The following ZNF106 variants were observed in gnomAD, a reference collection of about 807,000 sequenced individuals.
The protein encoded by ZNF106 is zinc finger protein 106.
ZNF106 carries 67 observed loss-of-function variants against 195.1 expected under a neutral mutation model. That is an observed-to-expected ratio of 0.34 (90% CI 0.28 to 0.42). The LOEUF is 0.42. Ranked by LOEUF, ZNF106 falls within the 10% of genes least tolerant of loss-of-function variation. The pLI, the probability that ZNF106 is intolerant of heterozygous loss-of-function variation, is 1.00. For missense variants in ZNF106, 2,118 were observed against 2,304.5 expected (o/e 0.92, Z 1.66); for synonymous variants, 784 against 818.6 (o/e 0.96, Z 0.72).
At chr15:42,459,164 C>G (rs1349247660) in intron 3 of ZNF106, among the ~76,000 whole-genome samples, 1 of 152,124 alleles carries the variant, frequency 6.6e-6, no homozygotes, top group African/African-American at 2.4e-5. Flanking sequence ...ACTGCACTTA[C>G]TACATTTATA....
At chr15:42,474,568 G>A (rs534784300) in intron 1 of ZNF106, among the ~76,000 whole-genome samples, 1 of 152,042 alleles carries the variant, frequency 6.6e-6, no homozygotes, top group Non-Finnish European at 1.5e-5. Context: ...ACACCAGTCT[G>A]GGCAACATAG....
At chr15:42,477,571 C>T (rs1014547546) in intron 1 of ZNF106, among the ~76,000 whole-genome samples, 9 of 152,080 alleles carry the variant, frequency 5.9e-5, no homozygotes, top group Admixed American at 1.3e-4. Flanking sequence ...CAGCAAAATT[C>T]GTGTATCCAC....
At chr15:42,468,501 T>C (rs895215176) in intron 2 of ZNF106, among the ~76,000 whole-genome samples, 3 of 151,156 alleles carry the variant, frequency 2.0e-5, no homozygotes, top group African/African-American at 7.3e-5. Context: ...TCCCAGCACT[T>C]TGGGAGGCTG....
chr15:42,442,488 G>A, intron 9 of ZNF106, 74 bp from the exon 10 acceptor site: 1 of 1,296,020 alleles, frequency 7.7e-7, no homozygotes, highest in Non-Finnish European at 1.1e-6. Flanking sequence ...GAGCTAATTT[G>A]TATTTTTAAA....
intron 3 of ZNF106, among the ~76,000 whole-genome samples, chr15:42,465,361 T>C (rs367556562): frequency 2.0e-5 from 3 of 152,150 alleles, no homozygotes; most frequent in African/African-American, 7.2e-5. Context: ...ACTGTAGCCC[T>C]GACCTACCTA....
At chr15:42,434,757 T>C (rs985519241) in intron 14 of ZNF106, among the ~76,000 whole-genome samples, 3 of 151,840 alleles carry the variant, frequency 2.0e-5, no homozygotes, top group Non-Finnish European at 4.4e-5. Context: ...AAAAAGTTTA[T>C]ACATTTTGCT....
At chr15:42,474,070 C>A (rs1421217868) in intron 1 of ZNF106, among the ~76,000 whole-genome samples, 13 of 152,162 alleles carry the variant, frequency 8.5e-5, no homozygotes, top group Non-Finnish European at 5.9e-5. Context: ...ATCTTGGGGG[C>A]TCCAGGTCCA....
chr15:42,424,163 G>C, intron 16 of ZNF106, 103 bp from the exon 17 acceptor site: 1 of 925,706 alleles, frequency 1.1e-6, no homozygotes, highest in South Asian at 1.9e-5. Context: ...CCTATTTTGA[G>C]ATGAGCACGA....
intron 2 of ZNF106, among the ~76,000 whole-genome samples, chr15:42,469,861 A>C (rs578048579): frequency 1.3e-5 from 2 of 150,912 alleles, no homozygotes; most frequent in Admixed American, 6.6e-5. Context: ...ACAACAACAA[A>C]AAAAAAAAAA....
chr15:42,449,998 G>T lies in ZNF106; in HGVS notation c.2274C>A (p.His758Gln). 1 of 1,614,206 alleles carries T rather than the reference G, an allele frequency of 6.2e-7. No homozygotes were observed. The highest frequency in any genetic ancestry group is 8.5e-7 in the Non-Finnish European group (1 of 1,180,036). Reference sequence around the variant, plus strand: ...CTCCAGTTTTGCTCTTCAAACTAATGTGCCGGGTTAGATCCCTCTGAAGTG... The same window carrying T: ...CTCCAGTTTTGCTCTTCAAACTAATTTGCCGGGTTAGATCCCTCTGAAGTG... ...PASLQRDLTR[H>Q]ISLKSKTGVH... Residue 758 changes from histidine to glutamine, a missense_variant, in exon 5 of 22, where the codon CAC becomes CAA. Coordinates refer to ENST00000564754, the MANE Select transcript of ZNF106 (RefSeq NM_001366845.3).
chr15:42,473,310 C>T (rs533510689), intron 1 of ZNF106, among the ~76,000 whole-genome samples: 1 of 152,332 alleles, frequency 6.6e-6, no homozygotes, highest in African/African-American at 2.4e-5. Context: ...CTCAGAATTT[C>T]CCAATGGCGT....
chr15:42,450,469 T>C lies in ZNF106; in HGVS notation c.1803A>G (p.Lys601=). ...NVEESEKGSL[K]IEFQVHALED... is the part of the protein sequence containing the mutation. ...CTAGTGCGTGCACTTGAAACTCAAT[T>C]TTCAAAGACCCTTTTTCAGATTCTT... The change falls in exon 5 of 22, where the codon AAA becomes AAG. Residue 601 remains lysine (K), a synonymous_variant. Coordinates refer to ENST00000564754, the MANE Select transcript of ZNF106 (RefSeq NM_001366845.3). 1 of 1,614,152 alleles carries C rather than the reference T, an allele frequency of 6.2e-7. No individual in the cohort carries two copies. Among genetic ancestry groups the C allele is most frequent in the Non-Finnish European group, 8.5e-7 (1 of 1,180,030 alleles).
In ZNF106 at chr15:42,448,124, C is replaced by T; in HGVS notation, c.3083G>A (p.Gly1028Asp). The T allele has an allele frequency of 6.2e-7, 1 of 1,614,144 alleles. No individual in the cohort carries two copies. Among genetic ancestry groups the T allele is most frequent in the Non-Finnish European group, 8.5e-7 (1 of 1,180,018 alleles). Residue 1028 changes from glycine (G) to aspartate (D), a missense_variant, in exon 6 of 22, where the codon GGT (glycine) becomes GAT (aspartate). Transcript: ENST00000564754. Reference protein sequence around the residue: ...DAATDSSCTSGAEQNDGQSIR... With the variant: ...DAATDSSCTSDAEQNDGQSIR... ...ACTTTGGCCATCATTTTGTTCAGCA[C>T]CAGAGGTACAGCTACTATCTGTGGC...
Position 42,451,912 on chromosome 15 carries a change from A to T in ZNF106, c.360T>A (p.Asp120Glu). The change falls in exon 5 of 22, where the codon GAT becomes GAA. Residue 120 changes from aspartate (D) to glutamate (E), a missense_variant. By Grantham distance (45) the Asp-to-Glu change is conservative. Coordinates refer to ENST00000564754, the MANE Select transcript of ZNF106 (RefSeq NM_001366845.3). ...CTCGTCTCCATTGGGGTCGTCTGTC[A>T]TCAGAGTTTATTTCTTGGTTGCTAT... Reference protein sequence around the residue: ...PSNSNQEINSDDRRPQWRRED... With the variant: ...PSNSNQEINSEDRRPQWRRED... 2.5e-6 allele frequency: 4 copies of T among 1,613,364 alleles called. No homozygotes were observed. The highest frequency in any genetic ancestry group is 3.4e-6 in the Non-Finnish European group (4 of 1,179,780).
chr15:42,440,573 T>C (rs2055459899), intron 10 of ZNF106, among the ~76,000 whole-genome samples: 1 of 152,124 alleles, frequency 6.6e-6, no homozygotes, highest in African/African-American at 2.4e-5. Flanking sequence ...AAAAATATGA[T>C]TTAAGAAAGA....
intron 14 of ZNF106, among the ~76,000 whole-genome samples, chr15:42,428,539 G>A (rs779741894): frequency 3.9e-5 from 6 of 152,162 alleles, no homozygotes; most frequent in South Asian, 4.2e-4. Flanking sequence ...GTGGTTTTCC[G>A]CACATGATTC....
rs778013263 is a variant in ZNF106, at chr15:42,439,592, C to T, written c.3985G>A (p.Ala1329Thr). 1 of 1,614,152 alleles carries T rather than the reference C, an allele frequency of 6.2e-7. No homozygotes were observed. The highest frequency in any genetic ancestry group is 8.5e-7 in the Non-Finnish European group (1 of 1,180,026). ...AATCTTAGAAAAGAACTGGTACAGG[C>T]TTCAGACCCACTATTGCCTTTGGTT... The part of the protein sequence containing the change: ...EPTKGNSGSE[A>T]CTSSFLRLSF... Residue 1329 changes from alanine to threonine, a missense_variant, in exon 11 of 22, where the codon GCC becomes ACC. By Grantham distance (58) the Ala-to-Thr change is moderately conservative. Coordinates refer to ENST00000564754, the MANE Select transcript of ZNF106 (RefSeq NM_001366845.3).
intron 1 of ZNF106, among the ~76,000 whole-genome samples, chr15:42,475,571 A>C (rs2056769348): frequency 6.6e-6 from 1 of 152,270 alleles, no homozygotes; most frequent in Non-Finnish European, 1.5e-5. Flanking sequence ...GGATAGGTAC[A>C]GTATTATTTA....
At chr15:42,444,329 T>G in intron 8 of ZNF106, 67 bp from the exon 9 acceptor site, 1 of 1,282,436 alleles carries the variant, frequency 7.8e-7, no homozygotes, top group Non-Finnish European at 1.1e-6. Flanking sequence ...GTCTCCCCAT[T>G]TTTCTTCTAT....
Sources: allele counts gnomAD v4.1 joint callset (sites outside exome capture counted in the v4.1 genomes callset), GRCh38; gene constraint gnomAD v4.1.1; transcripts MANE v1.5; gene names NCBI Gene and HGNC (gene_info 2026-07-23, HGNC 2026-07-21).